Variants in SPIDR observed in about 807,000 individuals in gnomAD.
The protein encoded by SPIDR is DNA repair-scaffolding protein.
Under a neutral mutation model 104.6 loss-of-function variants are expected in SPIDR, and 93 were observed. The observed-to-expected ratio is 0.89, with a 90% CI of 0.75 to 1.06. The LOEUF (loss-of-function observed/expected upper bound fraction) is 1.06, where lower values mean the gene tolerates loss of function less well. Ranked by LOEUF, SPIDR falls within the 50% of genes least tolerant of loss-of-function variation. SPIDR has a pLI of 0.00. For missense variants in SPIDR, 1,154 were observed against 1,111.2 expected (o/e 1.04, Z -0.55); for synonymous variants, 431 against 416.9 (o/e 1.03, Z -0.41).
At chr8:47,660,190 C>G (rs2073878681) in intron 10 of SPIDR, among the ~76,000 whole-genome samples, 1 of 152,124 alleles carries the variant, frequency 6.6e-6, no homozygotes, top group Non-Finnish European at 1.5e-5. Flanking sequence ...GTGATTTGTT[C>G]TGTTGCCTTT....
intron 10 of SPIDR, among the ~76,000 whole-genome samples, chr8:47,638,462 T>G (rs2068313769): frequency 6.6e-6 from 1 of 152,152 alleles, no homozygotes; most frequent in Non-Finnish European, 1.5e-5. Context: ...TTTTATTGCA[T>G]AGAGTTGATA....
intron 10 of SPIDR, among the ~76,000 whole-genome samples, chr8:47,637,771 G>C (rs2068186755): frequency 6.6e-6 from 1 of 152,152 alleles, no homozygotes; most frequent in African/African-American, 2.4e-5. Flanking sequence ...GGTAGTACTT[G>C]TCAGGTTTCT....
In SPIDR at chr8:47,728,975, T is replaced by C; in HGVS notation, c.2478T>C (p.Ser826=). ...SCGDCSRVVT[S]PVLKRHLQVF... is the part of the protein sequence containing the mutation. ...GGGACTGCTCCCGGGTGGTCACATC[T>C]CCTGTTCTCAAGAGGCACCTGCAGG... Residue 826 remains serine, a synonymous_variant, in exon 18 of 20, where the codon TCT becomes TCC. Transcript: ENST00000297423. 6.2e-7 allele frequency: 1 copy of C among 1,613,888 alleles called. No individual in the cohort carries two copies. The highest frequency in any genetic ancestry group is 1.6e-4 in the Middle Eastern group (1 of 6,062).
chr8:47,286,679 TAATA>T (rs1339839006), intron 3 of SPIDR, among the ~76,000 whole-genome samples: 1 of 152,190 alleles, frequency 6.6e-6, no homozygotes, highest in Non-Finnish European at 1.5e-5. Flanking sequence ...CTGATCTTTC[TAATA>T]AAGAACCATC....
chr8:47,293,873 T>TA lies in SPIDR; in HGVS notation c.369dup (p.Gln124ThrfsTer8). On this transcript the variant is annotated frameshift_variant, in exon 5 of 20. Coordinates refer to ENST00000297423, the MANE Select transcript of SPIDR (RefSeq NM_001080394.4). LOFTEE classifies it high-confidence loss of function. ...TAAAAATTATATTTTTTAGATGAAT[T>TA]ACAGTTTATCGACTGGGAGATTGAC... 6.2e-7 allele frequency: 1 copy of TA among 1,605,444 alleles called. No homozygotes were observed. The highest frequency in any genetic ancestry group is 8.5e-7 in the Non-Finnish European group (1 of 1,175,920).
chr8:47,391,208 C>T (rs1397177869), intron 5 of SPIDR, among the ~76,000 whole-genome samples: 1 of 152,090 alleles, frequency 6.6e-6, no homozygotes. Flanking sequence ...GTTATCCTTT[C>T]CTAAAGGTGT....
At chr8:47,348,690 T>C (rs2052738221) in intron 5 of SPIDR, among the ~76,000 whole-genome samples, 1 of 152,218 alleles carries the variant, frequency 6.6e-6, no homozygotes, top group African/African-American at 2.4e-5. Flanking sequence ...CTCTTTTCGC[T>C]TCATTTCATT....
At chr8:47,642,331 G>T (rs770357597) in intron 10 of SPIDR, among the ~76,000 whole-genome samples, 5 of 151,860 alleles carry the variant, frequency 3.3e-5, no homozygotes, top group African/African-American at 1.2e-4. Flanking sequence ...CAGGTGAATG[G>T]TGTGAACCCA....
In SPIDR at chr8:47,547,126, C is replaced by A. The variant is rs1226041613; in HGVS notation, c.1098-48685C>A. ...AAATCAATCTGAATGGGATCATTCACCTTGATGGAGGGGATCAGGGTAGCA... is the reference window on the plus strand; with the variant it reads ...AAATCAATCTGAATGGGATCATTCAACTTGATGGAGGGGATCAGGGTAGCA... On this transcript the variant is annotated intron_variant, in intron 8 of 19. Coordinates refer to ENST00000297423, the MANE Select transcript of SPIDR (RefSeq NM_001080394.4). 1.5e-5 allele frequency: 9 copies of A among 588,712 alleles called. No individual in the cohort carries two copies. The Admixed American group carries it at 1.8e-4, about 12-fold the overall frequency. The allele number at this position is 588,712 out of a possible 1,614,324, so 36.5% of individuals were successfully genotyped here.
At chr8:47,708,015 C>G (rs903041395) in intron 14 of SPIDR, among the ~76,000 whole-genome samples, 5 of 152,038 alleles carry the variant, frequency 3.3e-5, no homozygotes, top group Admixed American at 3.3e-4. Flanking sequence ...AATACTTTTC[C>G]TGGGCCGGAC....
In SPIDR at chr8:47,440,542, G is replaced by A. The variant is rs2069211322; in HGVS notation, c.1097G>A (p.Trp366Ter). Residue 366 changes from tryptophan (W) to a stop codon, truncating the protein, a stop_gained and splice_region_variant, in exon 8 of 20, where the codon TGG becomes TAG. Transcript: ENST00000297423. LOFTEE classifies it high-confidence loss of function. ...GACACTGTCCGGATCTTCCCTCCCT[G>A]GTGAGTGCGCAGAACTTAATCCAGC... ...PQDTVRIFPPWQKLIIPSGSC... is the reference protein window; with the variant it reads ...PQDTVRIFPP 12 of 1,612,612 alleles carry A rather than the reference G, an allele frequency of 7.4e-6. No individual in the cohort carries two copies. Among genetic ancestry groups the A allele is most frequent in the African/African-American group, 1.3e-5 (1 of 74,890 alleles).
At chr8:47,432,728 A>G (rs1554689996) in intron 7 of SPIDR, among the ~76,000 whole-genome samples, 1 of 152,208 alleles carries the variant, frequency 6.6e-6, no homozygotes, top group Admixed American at 6.5e-5. Flanking sequence ...TCATAGAAAT[A>G]ATTTTAAATT....
intron 1 of SPIDR, among the ~76,000 whole-genome samples, chr8:47,261,708 C>G (rs771298286): frequency 5.3e-5 from 8 of 152,188 alleles, no homozygotes; most frequent in Non-Finnish European, 8.8e-5. Flanking sequence ...TTGAAAACTT[C>G]CTGGAAAAAA....
intron 5 of SPIDR, among the ~76,000 whole-genome samples, chr8:47,341,771 C>G (rs2050804232): frequency 1.3e-5 from 2 of 152,298 alleles, no homozygotes; most frequent in African/African-American, 4.8e-5. Context: ...CATCCAGGAG[C>G]ATTTTTCAGA....
intron 1 of SPIDR, among the ~76,000 whole-genome samples, chr8:47,268,003 T>G (rs1191780866): frequency 6.6e-6 from 1 of 152,208 alleles, no homozygotes; most frequent in African/African-American, 2.4e-5. Flanking sequence ...TTGGAGTTAA[T>G]TTTTCTACAC....
At position 47,510,887 on chromosome 8, in the gene SPIDR, A is replaced by G. The variant is rs765800212; in HGVS notation, c.1097+70345A>G. 204 of 459,342 alleles carry G rather than the reference A, an allele frequency of 4.4e-4. 1 individual carries two copies. In the East Asian group the frequency reaches 6.2e-3, roughly 14 times the overall value. 28.5% of individuals were successfully genotyped at this position (459,342 alleles called of 1,614,324 possible). A position where few individuals can be genotyped will look rare whatever the true frequency, so the allele number is the denominator to read the frequency against. On this transcript the variant is annotated intron_variant, in intron 8 of 19. Coordinates refer to ENST00000297423, the MANE Select transcript of SPIDR (RefSeq NM_001080394.4). ...CAACTAAGGAGAAAACAAATGTTCA[A>G]CCAACACCTAAGAACCTAGAGCTGT...
chr8:47,695,425 G>C (rs2079192739), intron 11 of SPIDR, among the ~76,000 whole-genome samples: 1 of 152,130 alleles, frequency 6.6e-6, no homozygotes, highest in Non-Finnish European at 1.5e-5. Flanking sequence ...TCCATCATGG[G>C]CCAGGTGCTT....
intron 4 of SPIDR, among the ~76,000 whole-genome samples, chr8:47,293,081 A>G (rs1044965171): frequency 6.6e-6 from 1 of 150,920 alleles, no homozygotes; most frequent in Non-Finnish European, 1.5e-5. Flanking sequence ...GCCATTATGC[A>G]TCTGCTTCTC....
chr8:47,346,665 A>G (rs2052127658), intron 5 of SPIDR, among the ~76,000 whole-genome samples: 1 of 152,108 alleles, frequency 6.6e-6, no homozygotes, highest in African/African-American at 2.4e-5. Flanking sequence ...TCAGAGATTT[A>G]ACTTCTTCCT....
Sources: gnomAD v4.1 joint callset for allele counts (sites outside exome capture counted in the v4.1 genomes callset) on GRCh38, gnomAD v4.1.1 for gene constraint, MANE v1.5 for transcripts, NCBI Gene and HGNC (gene_info 2026-07-23, HGNC 2026-07-21) for gene names.